TMEM132D: variants seen among roughly 807,000 people sequenced by gnomAD.
TMEM132D encodes the protein transmembrane protein 132D, also known as mature OL transmembrane protein.
In TMEM132D, 21 loss-of-function variants were observed where a neutral mutation model predicts 62.3. The observed-to-expected ratio is 0.34, with a 90% CI of 0.24 to 0.49. The LOEUF is 0.49. Among genes scored for constraint, TMEM132D ranks in the 20% least tolerant of loss-of-function variants. The probability of loss-of-function intolerance (pLI) is 0.99; values close to 1 mark genes in which losing one functional copy is unlikely to be tolerated. For missense variants in TMEM132D, 1,346 were observed against 1,402.8 expected, an observed-to-expected ratio of 0.96 and a Z score of 0.65; for synonymous variants, 621 against 575.6, an observed-to-expected ratio of 1.08 and a Z score of -1.13.
chr12:129,122,617 A>G (rs1876099606), intron 5 of TMEM132D, among the ~76,000 whole-genome samples: 1 of 152,194 alleles, frequency 6.6e-6, no homozygotes, highest in African/African-American at 2.4e-5. Context: ...ATTCCAGAAA[A>G]TTGTTCCAAT....
intron 4 of TMEM132D, among the ~76,000 whole-genome samples, chr12:129,223,402 T>G (rs1879399424): frequency 1.3e-5 from 2 of 152,110 alleles, no homozygotes; most frequent in Non-Finnish European, 2.9e-5. Flanking sequence ...CACATGCAGG[T>G]GATCTGGTCA....
intron 2 of TMEM132D, among the ~76,000 whole-genome samples, chr12:129,621,832 G>A (rs886311606): frequency 6.6e-6 from 1 of 152,180 alleles, no homozygotes; most frequent in Non-Finnish European, 1.5e-5. Flanking sequence ...GAACCCAGGT[G>A]GTCTGGGACT....
Position 129,499,601 on chromosome 12 carries a change from G to A in TMEM132D, c.1115+31458C>T, listed in dbSNP as rs188773665. ...GAGTGGAGTCCCAGTGTGAGATTCC[G>A]TCCTAGGGCCCCAGTAATGGGCATC... On this transcript the variant is annotated intron_variant, in intron 3 of 8. Coordinates refer to ENST00000422113, the MANE Select transcript of TMEM132D (RefSeq NM_133448.3). Among the ~76,000 whole-genome samples, 41 of 152,244 alleles carry A rather than the reference G, an allele frequency of 2.7e-4. 1 individual carries two copies. In the East Asian group the frequency reaches 4.4e-3, roughly 17 times the overall value.
At chr12:129,241,388 C>T (rs925932166) in intron 4 of TMEM132D, among the ~76,000 whole-genome samples, 4 of 152,146 alleles carry the variant, frequency 2.6e-5, no homozygotes, top group African/African-American at 4.8e-5. Context: ...ACATATGTTT[C>T]GCTCTTCTCC....
intron 3 of TMEM132D, among the ~76,000 whole-genome samples, chr12:129,464,503 T>C (rs949692482): frequency 3.3e-5 from 5 of 152,228 alleles, no homozygotes; most frequent in African/African-American, 9.6e-5. Context: ...ATTTTGGCTT[T>C]TGTTGCCATT....
chr12:129,626,228 T>A (rs1879209727), intron 2 of TMEM132D, among the ~76,000 whole-genome samples: 1 of 152,200 alleles, frequency 6.6e-6, no homozygotes, highest in Admixed American at 6.5e-5. Flanking sequence ...AGATAAGGAA[T>A]GCACTATTCT....
chr12:129,343,919 A>G (rs371375486), intron 3 of TMEM132D, among the ~76,000 whole-genome samples: 1 of 152,242 alleles, frequency 6.6e-6, no homozygotes, highest in Non-Finnish European at 1.5e-5. Flanking sequence ...CCTGGGTGAC[A>G]GAGCGAGACC....
At position 129,099,474 on chromosome 12, in the gene TMEM132D, G is replaced by C. The variant is rs147192990; in HGVS notation, c.1444-14772C>G. ...GGTCACAAAAAAACCTCCCACCTAT[G>C]CTCCTGGAACACTAGCCCTTCAGAT... is the stretch of plus-strand genomic sequence containing the variant. On this transcript the variant is annotated intron_variant, in intron 5 of 8. Transcript: ENST00000422113. Among the ~76,000 whole-genome samples the C allele has an allele frequency of 4.7e-4, 72 of 152,318 alleles. No homozygotes were observed. The East Asian group carries it at 0.012, about 25-fold the overall frequency.
At chr12:129,125,672 C>CTT (rs111393507) in intron 5 of TMEM132D, among the ~76,000 whole-genome samples, 1 of 143,898 alleles carries the variant, frequency 6.9e-6, no homozygotes, top group Non-Finnish European at 1.5e-5. Context: ...TTTCTTTTTT[C>CTT]TTTTTTTTTT....
chr12:129,531,225 TGG>T lies in TMEM132D; in HGVS notation c.969-22_969-21del, dbSNP rs1212976942. ...TTTGCCCTGTTGGAGACAGCACGTG[TGG>T]GTCTGAGTCAGCTCTGGGGAATCCC... On this transcript the variant is annotated intron_variant, in intron 2 of 8. Coordinates refer to ENST00000422113, the MANE Select transcript of TMEM132D (RefSeq NM_133448.3). 6.3e-7 allele frequency: 1 copy of T among 1,596,050 alleles called. No individual in the cohort carries two copies. The highest frequency in any genetic ancestry group is 1.1e-5 in the South Asian group (1 of 89,378).
At position 129,693,592 on chromosome 12, in the gene TMEM132D, G is replaced by T. The variant is rs532623887; in HGVS notation, c.968+6218C>A. Among the ~76,000 whole-genome samples the T allele has an allele frequency of 2.0e-5, 3 of 152,224 alleles. No homozygotes were observed. The South Asian group carries it at 6.2e-4, about 32-fold the overall frequency. ...CGGTGCTGGTGAGGTGGGATAGGTGGCCGAGGAAACGACCATGTCCTCAGG... is the reference window on the plus strand; with the variant it reads ...CGGTGCTGGTGAGGTGGGATAGGTGTCCGAGGAAACGACCATGTCCTCAGG... On this transcript the variant is annotated intron_variant, in intron 2 of 8. Transcript: ENST00000422113.
intron 2 of TMEM132D, among the ~76,000 whole-genome samples, chr12:129,553,912 C>T (rs1169499077): frequency 2.6e-5 from 4 of 152,166 alleles, no homozygotes; most frequent in South Asian, 2.1e-4. Context: ...CCATGCTTTG[C>T]GTATGTCCAA....
rs564061224 is a variant in TMEM132D at position 129,259,559 on chromosome 12, G to C, written c.1300-49896C>G. Among the ~76,000 whole-genome samples the C allele has an allele frequency of 1.7e-4, 26 of 152,310 alleles. No individual in the cohort carries two copies. In the South Asian group the frequency reaches 5.2e-3, roughly 30 times the overall value. ...AGTGTGTTTTTAATCTTAGTGGCAGGTTTAGGCATGAAAGTTCATAACCTA... is the reference window on the plus strand; with the variant it reads ...AGTGTGTTTTTAATCTTAGTGGCAGCTTTAGGCATGAAAGTTCATAACCTA... On this transcript the variant is annotated intron_variant, in intron 4 of 8. Transcript: ENST00000422113.
intron 4 of TMEM132D, among the ~76,000 whole-genome samples, chr12:129,242,837 A>T (rs1879971531): frequency 6.6e-6 from 1 of 152,170 alleles, no homozygotes; most frequent in Non-Finnish European, 1.5e-5. Context: ...TAATCGTTTA[A>T]ACTGTTATTG....
chr12:129,254,317 T>G (rs928437761), intron 4 of TMEM132D, among the ~76,000 whole-genome samples: 2 of 152,202 alleles, frequency 1.3e-5, no homozygotes, highest in African/African-American at 4.8e-5. Context: ...ATATATCACA[T>G]GCGTGCCCAA....
At chr12:129,156,630 A>G (rs1029837644) in intron 5 of TMEM132D, among the ~76,000 whole-genome samples, 5 of 151,762 alleles carry the variant, frequency 3.3e-5, no homozygotes, top group African/African-American at 1.2e-4. Context: ...TAACCAGCCC[A>G]CTCTCATAAT....
chr12:129,333,457 G>A (rs1869176754), intron 4 of TMEM132D, among the ~76,000 whole-genome samples: 1 of 152,208 alleles, frequency 6.6e-6, no homozygotes, highest in Admixed American at 6.5e-5. Context: ...GTAGTGTCAT[G>A]GAGATATACG....
intron 5 of TMEM132D, among the ~76,000 whole-genome samples, chr12:129,170,980 T>C (rs1877708962): frequency 6.6e-6 from 1 of 152,088 alleles, no homozygotes; most frequent in Non-Finnish European, 1.5e-5. Context: ...AAGACAACAA[T>C]GAGGTTTGCT....
chr12:129,262,638 A>G (rs1880580277), intron 4 of TMEM132D: 1 of 152,230 alleles, frequency 6.6e-6, no homozygotes, highest in Admixed American at 6.5e-5. Flanking sequence ...ACTGATGAGT[A>G]ATTCCAACTT....
Sources: gnomAD v4.1 joint callset for allele counts (sites outside exome capture counted in the v4.1 genomes callset) on GRCh38, gnomAD v4.1.1 for gene constraint, MANE v1.5 for transcripts, NCBI Gene and HGNC (gene_info 2026-07-23, HGNC 2026-07-21) for gene names.